Variants in OR4K17 observed in about 807,000 individuals in gnomAD.
OR4K17 encodes olfactory receptor family 4 subfamily K member 17.
For synonymous variants in OR4K17, 157 were observed against 132.8 expected (o/e 1.18, Z -1.25); for missense variants, 480 against 366.3 (o/e 1.31, Z -2.53).
intron 1 of OR4K17, among the ~76,000 whole-genome samples, chr14:20,112,747 G>T (rs1194745014): frequency 2.0e-5 from 3 of 152,036 alleles, no homozygotes; most frequent in Non-Finnish European, 4.4e-5. Context: ...GCAGGAGTAA[G>T]TGAGTTTGTT....
chr14:20,115,095 T>C lies in OR4K17; in HGVS notation c.-32-2373T>C, dbSNP rs1952823. On this transcript the variant is annotated intron_variant, in intron 1 of 1. Coordinates refer to ENST00000641386, the MANE Select transcript of OR4K17 (RefSeq NM_001004715.5). ...GGCATATTATTCACCAAATTATGAATGACTGTAAGAACTTGGAAATAAACT... is the reference window on the plus strand; with the variant it reads ...GGCATATTATTCACCAAATTATGAACGACTGTAAGAACTTGGAAATAAACT... Among the ~76,000 whole-genome samples, 19 of 152,206 alleles carry C rather than the reference T, an allele frequency of 1.2e-4. 2 individuals are homozygous for C. The East Asian group carries it at 3.3e-3, about 26-fold the overall frequency.
chr14:20,116,463 G>T (rs1252944185), intron 1 of OR4K17, among the ~76,000 whole-genome samples: 1 of 152,054 alleles, frequency 6.6e-6, no homozygotes, highest in African/African-American at 2.4e-5. Context: ...CCAGTATGGG[G>T]GCTGTTGCCA....
chr14:20,121,943 A>G lies in OR4K17; in HGVS notation c.*3505A>G, dbSNP rs932176061. Reference sequence around the variant, plus strand: ...AACTATTTACATTTTATTTGATATTATAAGTTATCTAGAGTTGGTATAAAT... The same window carrying G: ...AACTATTTACATTTTATTTGATATTGTAAGTTATCTAGAGTTGGTATAAAT... On this transcript the variant is annotated 3_prime_UTR_variant, in exon 2 of 2. Transcript: ENST00000641386. The G allele has an allele frequency of 6.6e-6, 1 of 152,160 alleles. No homozygotes were observed. Among genetic ancestry groups the G allele is most frequent in the Non-Finnish European group, 1.5e-5 (1 of 68,000 alleles). The allele number at this position is 152,160 out of a possible 1,614,324, so 9.4% of individuals were successfully genotyped here. A position where few individuals can be genotyped will look rare whatever the true frequency, so the allele number is the denominator to read the frequency against.
chr14:20,117,646 G>GT lies in OR4K17; in HGVS notation c.150dup (p.Asn51Ter). The GT allele has an allele frequency of 1.2e-6, 2 of 1,613,896 alleles. No homozygotes were observed. Among genetic ancestry groups the GT allele is most frequent in the Non-Finnish European group, 1.7e-6 (2 of 1,179,920 alleles). ...GTAACCTTCTTATTATAGTCACAGTGTTTAACACCCCTAACCTGAATACTC... is the reference window on the plus strand; with the variant it reads ...GTAACCTTCTTATTATAGTCACAGTGTTTTAACACCCCTAACCTGAATACTC... On this transcript the variant is annotated frameshift_variant, in exon 2 of 2. Transcript: ENST00000641386. LOFTEE classifies it low-confidence loss of function (END_TRUNC).
In OR4K17 at chr14:20,119,873, A is replaced by T. The variant is rs1428163652; in HGVS notation, c.*1435A>T. 1 of 152,100 alleles carries T rather than the reference A, an allele frequency of 6.6e-6. No individual in the cohort carries two copies. Among genetic ancestry groups the T allele is most frequent in the Non-Finnish European group, 1.5e-5 (1 of 68,022 alleles). 9.4% of individuals were successfully genotyped at this position (152,100 alleles called of 1,614,324 possible). On this transcript the variant is annotated 3_prime_UTR_variant, in exon 2 of 2. Coordinates refer to ENST00000641386, the MANE Select transcript of OR4K17 (RefSeq NM_001004715.5). ...TAATAATAGTAGCAGAGAAACAATA[A>T]TTTTTTATATTTTTAAAGGTTTCTC...
chr14:20,112,459 G>A (rs1877902755), intron 1 of OR4K17, among the ~76,000 whole-genome samples: 2 of 152,074 alleles, frequency 1.3e-5, no homozygotes, highest in Admixed American at 6.6e-5. Flanking sequence ...TAAGCAAAAT[G>A]GAGTCAGTGT....
In OR4K17 at chr14:20,117,928, G is replaced by T; in HGVS notation, c.429G>T (p.Leu143Phe). Residue 143 changes from leucine to phenylalanine, a missense_variant, in exon 2 of 2, where the codon TTG (leucine) becomes TTT (phenylalanine). Transcript: ENST00000641386. ...TCATGAACAAGAAGGTATGTGTTTT[G>T]CTTGTAGTGACCTCATGGCTCTTGG... The part of the protein sequence containing the change: ...MTIMNKKVCV[L>F]LVVTSWLLGL... The T allele has an allele frequency of 6.2e-7, 1 of 1,614,032 alleles. No homozygotes were observed. Among genetic ancestry groups the T allele is most frequent in the South Asian group, 1.1e-5 (1 of 91,080 alleles).
chr14:20,113,373 A>T (rs1195733373), intron 1 of OR4K17, among the ~76,000 whole-genome samples: 1 of 151,962 alleles, frequency 6.6e-6, no homozygotes, highest in Non-Finnish European at 1.5e-5. Context: ...GTTCAGCCTT[A>T]CTCTGGGGTC....
At chr14:20,112,602 G>A (rs1396808149) in intron 1 of OR4K17, among the ~76,000 whole-genome samples, 1 of 152,082 alleles carries the variant, frequency 6.6e-6, no homozygotes, top group African/African-American at 2.4e-5. Context: ...ACCCAGACTG[G>A]CAACTAAAGT....
At position 20,120,943 on chromosome 14, in the gene OR4K17, A is replaced by G. The variant is rs1878152592; in HGVS notation, c.*2505A>G. The stretch of plus-strand genomic sequence containing the variant: ...AACAATTTTTGTCACCACTTCAAAC[A>G]TCTACATCATTGGCTGCTGAAGTTC... On this transcript the variant is annotated 3_prime_UTR_variant, in exon 2 of 2. Transcript: ENST00000641386. The G allele has an allele frequency of 6.6e-6, 1 of 152,200 alleles. No homozygotes were observed. 9.4% of individuals were successfully genotyped at this position (152,200 alleles called of 1,614,324 possible).
rs1046554444 is a variant in OR4K17, at chr14:20,118,711, G to A, written c.*273G>A. ...AAGTTTTTATTATGGATTTCAAAAG[G>A]GAGGCAGTGTACGAATAGGGTGTGG... On this transcript the variant is annotated 3_prime_UTR_variant, in exon 2 of 2. Coordinates refer to ENST00000641386, the MANE Select transcript of OR4K17 (RefSeq NM_001004715.5). The A allele has an allele frequency of 1.8e-5, 5 of 278,292 alleles. No individual in the cohort carries two copies. Among genetic ancestry groups the A allele is most frequent in the Non-Finnish European group, 3.4e-5 (5 of 146,738 alleles). The allele number at this position is 278,292 out of a possible 1,614,324, so 17.2% of individuals were successfully genotyped here. A position where few individuals can be genotyped will look rare whatever the true frequency, so the allele number is the denominator to read the frequency against.
intron 1 of OR4K17, among the ~76,000 whole-genome samples, chr14:20,116,219 T>C (rs1478632743): frequency 6.6e-6 from 1 of 152,106 alleles, no homozygotes; most frequent in Non-Finnish European, 1.5e-5. Context: ...CTGATTCTTC[T>C]CACATTGTAA....
rs183183906 is a variant in OR4K17 at position 20,121,672 on chromosome 14, T to C, written c.*3234T>C. On this transcript the variant is annotated 3_prime_UTR_variant, in exon 2 of 2. Transcript: ENST00000641386. ...AAATCAAAGCATATGCTGGAGAAAA[T>C]AAACTATGAATAAATGAAGACGAAA... 1 of 149,854 alleles carries C rather than the reference T, an allele frequency of 6.7e-6. No individual in the cohort carries two copies. Among genetic ancestry groups the C allele is most frequent in the East Asian group, 2.0e-4 (1 of 5,090 alleles). The allele number at this position is 149,854 out of a possible 1,614,324, so 9.3% of individuals were successfully genotyped here. A position where few individuals can be genotyped will look rare whatever the true frequency, so the allele number is the denominator to read the frequency against.
chr14:20,112,921 A>G (rs1877911871), intron 1 of OR4K17, among the ~76,000 whole-genome samples: 1 of 152,048 alleles, frequency 6.6e-6, no homozygotes, highest in Non-Finnish European at 1.5e-5. Flanking sequence ...TTAAACTTGT[A>G]TTATGCAAAA....
At chr14:20,111,790 G>A (rs1452099722) in intron 1 of OR4K17, 1 of 152,036 alleles carries the variant, frequency 6.6e-6, no homozygotes, top group Non-Finnish European at 1.5e-5. Context: ...CACCTGTTAA[G>A]AGCCCATATA....
chr14:20,118,560 T>G lies in OR4K17; in HGVS notation c.*122T>G. ...AACATAGGTTCTTTTCTATTTTCCC[T>G]AAGTGTTGACTGGTCTGAGAAATAA... On this transcript the variant is annotated 3_prime_UTR_variant, in exon 2 of 2. Coordinates refer to ENST00000641386, the MANE Select transcript of OR4K17 (RefSeq NM_001004715.5). 1.6e-6 allele frequency: 1 copy of G among 625,278 alleles called. No individual in the cohort carries two copies. The highest frequency in any genetic ancestry group is 2.7e-6 in the Non-Finnish European group (1 of 366,022). 38.7% of individuals were successfully genotyped at this position (625,278 alleles called of 1,614,324 possible). A position where few individuals can be genotyped will look rare whatever the true frequency, so the allele number is the denominator to read the frequency against.
At chr14:20,117,265 G>A in intron 1 of OR4K17, 1 of 598,906 alleles carries the variant, frequency 1.7e-6, no homozygotes, top group Non-Finnish European at 2.9e-6. Context: ...GAAACCAACA[G>A]CATCAATAGG....
At position 20,121,896 on chromosome 14, in the gene OR4K17, A is replaced by T. The variant is rs1239737578; in HGVS notation, c.*3458A>T. 3 of 152,146 alleles carry T rather than the reference A, an allele frequency of 2.0e-5. No individual in the cohort carries two copies. The highest frequency in any genetic ancestry group is 7.2e-5 in the African/African-American group (3 of 41,482). 9.4% of individuals were successfully genotyped at this position (152,146 alleles called of 1,614,324 possible). A position where few individuals can be genotyped will look rare whatever the true frequency, so the allele number is the denominator to read the frequency against. On this transcript the variant is annotated 3_prime_UTR_variant, in exon 2 of 2. Transcript: ENST00000641386. ...AACAGCACAACAATAAAAATAATACAAAATTTTAAAACAAGTATAACAACT... is the reference window on the plus strand; with the variant it reads ...AACAGCACAACAATAAAAATAATACTAAATTTTAAAACAAGTATAACAACT...
At position 20,118,538 on chromosome 14, in the gene OR4K17, A is replaced by G; in HGVS notation, c.*100A>G. On this transcript the variant is annotated 3_prime_UTR_variant, in exon 2 of 2. Coordinates refer to ENST00000641386, the MANE Select transcript of OR4K17 (RefSeq NM_001004715.5). ...GGGAACCAGCCCCCAATATTTCAAC[A>G]TAGGTTCTTTTCTATTTTCCCTAAG... The G allele has an allele frequency of 1.5e-6, 1 of 667,266 alleles. No individual in the cohort carries two copies. The highest frequency in any genetic ancestry group is 2.0e-5 in the South Asian group (1 of 49,972). 41.3% of individuals were successfully genotyped at this position (667,266 alleles called of 1,614,324 possible).
Sources: gnomAD v4.1 joint callset for allele counts (sites outside exome capture counted in the v4.1 genomes callset) on GRCh38, gnomAD v4.1.1 for gene constraint, MANE v1.5 for transcripts, NCBI Gene and HGNC (gene_info 2026-07-23, HGNC 2026-07-21) for gene names.